Variants in ULK4 observed in about 807,000 individuals in gnomAD.
ULK4 encodes the protein unc-51 like kinase 4.
In ULK4, 133 loss-of-function variants were observed where a neutral mutation model predicts 160.6. The observed-to-expected ratio is 0.83, with a 90% CI of 0.72 to 0.96. The LOEUF (loss-of-function observed/expected upper bound fraction) is 0.96. Ranked by LOEUF, ULK4 falls within the 40% of genes least tolerant of loss-of-function variation. The pLI is 0.00. For missense variants in ULK4, 1,580 were observed against 1,499.5 expected, an observed-to-expected ratio of 1.05 and a Z score of -0.89; for synonymous variants, 534 against 539.8, an observed-to-expected ratio of 0.99 and a Z score of 0.15.
At chr3:41,888,186 T>C (rs1468799355) in intron 16 of ULK4, among the ~76,000 whole-genome samples, 1 of 151,960 alleles carries the variant, frequency 6.6e-6, no homozygotes, top group African/African-American at 2.4e-5. Flanking sequence ...AAAGAAAGCA[T>C]CCATAAATCA....
chr3:41,300,281 G>C (rs1405911494), intron 35 of ULK4, among the ~76,000 whole-genome samples: 1 of 152,126 alleles, frequency 6.6e-6, no homozygotes, highest in East Asian at 1.9e-4. Flanking sequence ...CTAAGGAAGA[G>C]GTCAATGCTA....
intron 34 of ULK4, among the ~76,000 whole-genome samples, chr3:41,405,183 C>T (rs933798204): frequency 3.3e-5 from 5 of 152,002 alleles, no homozygotes; most frequent in South Asian, 4.2e-4. Context: ...TTTATGTCCA[C>T]GAATACCCAG....
chr3:41,867,692 T>C (rs1696945739), intron 17 of ULK4, among the ~76,000 whole-genome samples: 2 of 152,212 alleles, frequency 1.3e-5, no homozygotes, highest in African/African-American at 4.8e-5. Context: ...ATCTGTGTTT[T>C]AGTAAACCTT....
Position 41,859,186 on chromosome 3 carries a change from A to C in ULK4, c.1657-23215T>G, listed in dbSNP as rs544373437. The stretch of plus-strand genomic sequence containing the variant: ...AAAAAAGTGAAGGAAAAAACACTTC[A>C]TTGTAGAATAAGACATTTAAATGTG... On this transcript the variant is annotated intron_variant, in intron 17 of 36. Coordinates refer to ENST00000301831, the MANE Select transcript of ULK4 (RefSeq NM_017886.4). Among the ~76,000 whole-genome samples, 5 of 152,350 alleles carry C rather than the reference A, an allele frequency of 3.3e-5. No individual in the cohort carries two copies. In the East Asian group the frequency reaches 9.6e-4, roughly 29 times the overall value.
At chr3:41,560,231 T>C (rs1219578473) in intron 32 of ULK4, among the ~76,000 whole-genome samples, 1 of 152,198 alleles carries the variant, frequency 6.6e-6, no homozygotes. Context: ...TATATCTGAT[T>C]TGGTACCAAT....
intron 4 of ULK4, among the ~76,000 whole-genome samples, chr3:41,935,442 G>A (rs1342876340): frequency 6.6e-6 from 1 of 151,774 alleles, no homozygotes. Flanking sequence ...TGTTGGCCAG[G>A]ATGGTCTCCA....
At chr3:41,868,433 A>G (rs1696973550) in intron 17 of ULK4, among the ~76,000 whole-genome samples, 1 of 152,150 alleles carries the variant, frequency 6.6e-6, no homozygotes, top group Admixed American at 6.5e-5. Context: ...ATATCTTGTA[A>G]GTCTAACTTC....
Position 41,455,400 on chromosome 3 carries a change from G to T in ULK4, c.3492+97C>A. On this transcript the variant is annotated intron_variant, in intron 34 of 36. Coordinates refer to ENST00000301831, the MANE Select transcript of ULK4 (RefSeq NM_017886.4). Reference sequence around the variant, plus strand: ...GTTCTTTTGGCTCTAGTTTTGAAGGGAATAAAAATAACATAGAAACTCAAG... The same window carrying T: ...GTTCTTTTGGCTCTAGTTTTGAAGGTAATAAAAATAACATAGAAACTCAAG... 9 of 1,138,574 alleles carry T rather than the reference G, an allele frequency of 7.9e-6. No individual in the cohort carries two copies. In the South Asian group the frequency reaches 1.2e-4, roughly 15 times the overall value. 70.5% of individuals were successfully genotyped at this position (1,138,574 alleles called of 1,614,324 possible).
At chr3:41,633,550 G>C (rs1250207312) in intron 30 of ULK4, among the ~76,000 whole-genome samples, 1 of 152,082 alleles carries the variant, frequency 6.6e-6, no homozygotes, top group Admixed American at 6.5e-5. Context: ...GCCATTAAGG[G>C]TAAGATTAAG....
chr3:41,722,767 G>A (rs1405142341), intron 22 of ULK4, among the ~76,000 whole-genome samples: 1 of 152,056 alleles, frequency 6.6e-6, no homozygotes, highest in South Asian at 2.1e-4. Flanking sequence ...TTTCTTTAAG[G>A]AAATAGTTTT....
At chr3:41,786,597 C>CT (rs1451129366) in intron 21 of ULK4, among the ~76,000 whole-genome samples, 1 of 111,206 alleles carries the variant, frequency 9.0e-6, no homozygotes, top group African/African-American at 5.0e-5. Context: ...GATCCTGTCT[C>CT]CAAAAAAAAA....
intron 31 of ULK4, among the ~76,000 whole-genome samples, chr3:41,601,443 T>C (rs753096686): frequency 4.6e-5 from 7 of 152,192 alleles, no homozygotes; most frequent in Admixed American, 1.3e-4. Flanking sequence ...CTTCATTTCC[T>C]ATTCTTTGAG....
intron 34 of ULK4, among the ~76,000 whole-genome samples, chr3:41,438,126 A>G (rs2125853479): frequency 6.6e-6 from 1 of 151,072 alleles, no homozygotes; most frequent in African/African-American, 2.4e-5. Flanking sequence ...AAAAAAAAAA[A>G]GCAGGGTCAG....
chr3:41,796,435 C>T (rs1039812553), intron 20 of ULK4, among the ~76,000 whole-genome samples: 1 of 151,898 alleles, frequency 6.6e-6, no homozygotes, highest in Non-Finnish European at 1.5e-5. Flanking sequence ...CTAAAAACTA[C>T]AAAAAAATTA....
At chr3:41,645,435 T>C (rs2034438700) in intron 30 of ULK4, among the ~76,000 whole-genome samples, 1 of 152,176 alleles carries the variant, frequency 6.6e-6, no homozygotes, top group Non-Finnish European at 1.5e-5. Context: ...TATTTCTGCC[T>C]TTGTTTCGTT....
chr3:41,407,096 CA>C (rs2082309080), intron 34 of ULK4, among the ~76,000 whole-genome samples: 2 of 152,170 alleles, frequency 1.3e-5, no homozygotes, highest in African/African-American at 4.8e-5. Context: ...GTTGATAAGA[CA>C]AAGTAACAGA....
At chr3:41,438,673 C>A (rs190729225) in intron 34 of ULK4, among the ~76,000 whole-genome samples, 1,823 of 151,426 alleles carry the variant, frequency 0.012, 27 homozygotes, top group Middle Eastern at 0.045. Flanking sequence ...CAAAAAAAAA[C>A]AAACTTGGCC....
At chr3:41,750,973 AGAGAGAGAGAGAAAG>A (rs2038604267) in intron 22 of ULK4, among the ~76,000 whole-genome samples, 1 of 124,098 alleles carries the variant, frequency 8.1e-6, no homozygotes, top group African/African-American at 3.6e-5. Flanking sequence ...AAAAAAAAAA[AGAGAGAGAGAGAAAG>A]AGAGAGAGAG....
chr3:41,948,831 A>G (rs1212571022), intron 2 of ULK4, among the ~76,000 whole-genome samples: 1 of 152,134 alleles, frequency 6.6e-6, no homozygotes, highest in Non-Finnish European at 1.5e-5. Flanking sequence ...ATGGTGAAAG[A>G]GTAAAGCTTT....
Sources: allele counts gnomAD v4.1 joint callset (sites outside exome capture counted in the v4.1 genomes callset), GRCh38; gene constraint gnomAD v4.1.1; transcripts MANE v1.5; gene names NCBI Gene and HGNC (gene_info 2026-07-23, HGNC 2026-07-21).